Variants in FAM193A observed in about 807,000 individuals in gnomAD.
The protein encoded by FAM193A is family with sequence similarity 193 member A.
Under a neutral mutation model 126.5 loss-of-function variants are expected in FAM193A, and 22 were observed. The observed-to-expected ratio is 0.17, with a 90% CI of 0.12 to 0.25. The LOEUF (loss-of-function observed/expected upper bound fraction) is 0.25. Among genes scored for constraint, FAM193A ranks in the 10% least tolerant of loss-of-function variants. FAM193A has a pLI of 1.00. For missense variants in FAM193A, 1,675 were observed against 1,672.8 expected (o/e 1.00, Z -0.02); for synonymous variants, 761 against 646.8 (o/e 1.18, Z -2.68).
Position 2,626,396 on chromosome 4 carries a change from G to T in FAM193A, c.636-14G>T, listed in dbSNP as rs746808640. 41 of 697,650 alleles carry T rather than the reference G, an allele frequency of 5.9e-5. No individual in the cohort carries two copies. The highest frequency in any genetic ancestry group is 1.0e-4 in the Non-Finnish European group (39 of 380,668). The allele number at this position is 697,650 out of a possible 1,614,324, so 43.2% of individuals were successfully genotyped here. On this transcript the variant is annotated splice_polypyrimidine_tract_variant and intron_variant, in intron 3 of 20. Transcript: ENST00000637812. Reference sequence around the variant, plus strand: ...ATTGTGGTGACTTTCTAACCTTCCTGTGTTGTCTCACAGAGAAATTTCGGC... The same window carrying T: ...ATTGTGGTGACTTTCTAACCTTCCTTTGTTGTCTCACAGAGAAATTTCGGC...
intron 13 of FAM193A, among the ~76,000 whole-genome samples, chr4:2,678,445 C>G (rs1457431157): frequency 6.6e-6 from 1 of 151,260 alleles, no homozygotes; most frequent in Non-Finnish European, 1.5e-5. Flanking sequence ...TCACTGCACC[C>G]TCCACCACCC....
At chr4:2,684,072 T>G (rs1014170100) in intron 13 of FAM193A, among the ~76,000 whole-genome samples, 2 of 152,244 alleles carry the variant, frequency 1.3e-5, no homozygotes, top group Non-Finnish European at 2.9e-5. Context: ...ACTTTTTCCA[T>G]TAGAGCCTTT....
chr4:2,630,386 A>T (rs1743440730), intron 4 of FAM193A, among the ~76,000 whole-genome samples: 1 of 152,004 alleles, frequency 6.6e-6, no homozygotes, highest in Non-Finnish European at 1.5e-5. Context: ...CCTAATACAA[A>T]CCCATTTGGA....
intron 12 of FAM193A, among the ~76,000 whole-genome samples, chr4:2,671,082 G>A (rs990462871): frequency 6.6e-6 from 1 of 152,144 alleles, no homozygotes; most frequent in Non-Finnish European, 1.5e-5. Context: ...GAATCCACAG[G>A]GGCTCCATTG....
chr4:2,562,955 G>GT (rs1173394421), intron 1 of FAM193A, among the ~76,000 whole-genome samples: 4 of 142,102 alleles, frequency 2.8e-5, no homozygotes, highest in Admixed American at 1.4e-4. Flanking sequence ...TCTTTTTTTT[G>GT]TTTTTTTGAG....
intron 20 of FAM193A, among the ~76,000 whole-genome samples, chr4:2,718,691 C>T (rs1158939853): frequency 6.6e-6 from 1 of 152,070 alleles, no homozygotes; most frequent in African/African-American, 2.4e-5. Flanking sequence ...TGTGCATCTA[C>T]CCTCCAACCT....
At chr4:2,659,429 C>A in intron 8 of FAM193A, 129 bp from the exon 9 acceptor site, 2 of 687,442 alleles carry the variant, frequency 2.9e-6, no homozygotes, top group Non-Finnish European at 5.1e-6. Flanking sequence ...CCCCTGTATT[C>A]CTGGTCCTGT....
intron 13 of FAM193A, 56 bp from the exon 14 acceptor site, chr4:2,689,450 A>G (rs1716112346): frequency 1.5e-6 from 2 of 1,295,584 alleles, no homozygotes; most frequent in Non-Finnish European, 2.1e-6. Flanking sequence ...TTAACTACTT[A>G]CCTAGGTAAA....
intron 19 of FAM193A, among the ~76,000 whole-genome samples, chr4:2,711,913 C>T (rs540869975): frequency 4.8e-4 from 73 of 152,002 alleles, no homozygotes; most frequent in Non-Finnish European, 9.0e-4. Flanking sequence ...GGAGACAGAG[C>T]GAGACTCCAT....
intron 1 of FAM193A, among the ~76,000 whole-genome samples, chr4:2,554,329 C>A (rs1415540363): frequency 6.6e-6 from 1 of 152,074 alleles, no homozygotes; most frequent in Non-Finnish European, 1.5e-5. Flanking sequence ...GTGATCCACC[C>A]CGCTCAGCCT....
intron 2 of FAM193A, among the ~76,000 whole-genome samples, chr4:2,605,389 T>G (rs1741475246): frequency 6.6e-6 from 1 of 152,238 alleles, no homozygotes; most frequent in Non-Finnish European, 1.5e-5. Context: ...TTTACAGAAA[T>G]GTAATCGTAC....
rs1264429166 is a variant in FAM193A at position 2,599,921 on chromosome 4, GAC to G, written c.501+3596_501+3597del. 3.4e-5 allele frequency among the ~76,000 whole-genome samples: 5 copies of G among 149,046 alleles called. No individual in the cohort carries two copies. In the East Asian group the frequency reaches 7.8e-4, roughly 23 times the overall value. ...TGGCTAATTTTTTTTTTTTTTTAGA[GAC>G]ACAGTCTCGCTCTGTCACCAGGCTG... On this transcript the variant is annotated intron_variant, in intron 2 of 20. Transcript: ENST00000637812.
At chr4:2,606,043 C>CTT (rs1193120778) in intron 2 of FAM193A, among the ~76,000 whole-genome samples, 2 of 85,538 alleles carry the variant, frequency 2.3e-5, no homozygotes, top group African/African-American at 4.8e-5. Context: ...TTTTGCAAAC[C>CTT]TCTTTTTTTT....
intron 1 of FAM193A, among the ~76,000 whole-genome samples, chr4:2,563,688 A>G (rs150510529): frequency 2.0e-5 from 3 of 152,212 alleles, no homozygotes; most frequent in Non-Finnish European, 4.4e-5. Flanking sequence ...CCATGTATGA[A>G]GTTTAAAAAA....
At chr4:2,547,965 T>C (rs1213423285) in intron 1 of FAM193A, among the ~76,000 whole-genome samples, 1 of 152,004 alleles carries the variant, frequency 6.6e-6, no homozygotes, top group Non-Finnish European at 1.5e-5. Context: ...GGTATCATAG[T>C]TTTAATTTGC....
intron 19 of FAM193A, among the ~76,000 whole-genome samples, chr4:2,712,962 AGGTGT>A (rs757621668): frequency 1.3e-5 from 2 of 151,936 alleles, no homozygotes; most frequent in Admixed American, 6.6e-5. Flanking sequence ...AAATTAGCCC[AGGTGT>A]GGTGGTGCAT....
intron 1 of FAM193A, among the ~76,000 whole-genome samples, chr4:2,537,483 G>T (rs1736953309): frequency 6.6e-6 from 1 of 152,218 alleles, no homozygotes; most frequent in South Asian, 2.1e-4. Context: ...CCCTCAACGG[G>T]CGGGGACGTC....
chr4:2,630,690 G>A (rs972688587), intron 4 of FAM193A, among the ~76,000 whole-genome samples: 3 of 152,196 alleles, frequency 2.0e-5, no homozygotes, highest in Admixed American at 1.3e-4. Context: ...GCACGTGCAC[G>A]GACAGTGCTG....
chr4:2,663,320 C>G, intron 12 of FAM193A, 32 bp downstream of exon 12: 1 of 1,512,152 alleles, frequency 6.6e-7, no homozygotes, highest in Non-Finnish European at 8.9e-7. Context: ...TGCCAAGGAT[C>G]TCTTTTTCTG....
Sources: gnomAD v4.1 joint callset for allele counts (sites outside exome capture counted in the v4.1 genomes callset) on GRCh38, gnomAD v4.1.1 for gene constraint, MANE v1.5 for transcripts, NCBI Gene and HGNC (gene_info 2026-07-23, HGNC 2026-07-21) for gene names.